Variants in TSR2 observed in about 807,000 individuals in gnomAD.
TSR2 encodes the protein TSR2 ribosome maturation factor, also known as pre-rRNA-processing protein TSR2 homolog.
TSR2 carries 1 observed loss-of-function variant against 13.3 expected under a neutral mutation model. The ratio of observed to expected loss-of-function variants is 0.08; its 90% confidence interval spans 0.03 to 0.36. The LOEUF (loss-of-function observed/expected upper bound fraction) is 0.36, where lower values mean the gene tolerates loss of function less well. Ranked by LOEUF, TSR2 falls within the 10% of genes least tolerant of loss-of-function variation. The pLI, the probability that TSR2 is intolerant of heterozygous loss-of-function variation, is 0.99. For synonymous variants in TSR2, 60 were observed against 57.7 expected, an observed-to-expected ratio of 1.04 and a Z score of -0.18; for missense variants, 120 against 151.1, an observed-to-expected ratio of 0.79 and a Z score of 1.08.
In TSR2 at chrX:54,446,105, C is replaced by T; in HGVS notation, c.*1555C>T. The T allele has an allele frequency of 8.3e-7, 1 of 1,202,115 alleles. No individual in the cohort carries two copies. Among genetic ancestry groups the T allele is most frequent in the South Asian group, 1.8e-5 (1 of 55,323 alleles). On this transcript the variant is annotated 3_prime_UTR_variant, in exon 5 of 5. Transcript: ENST00000375151. ...GTGGGGGCTCCCAGTTTGTCCCAAA[C>T]CCTCTAGGTCTTGTCTCGGGTCTGG... is the stretch of plus-strand genomic sequence containing the variant.
chrX:54,440,639 C>T, intron 1 of TSR2, 51 bp from the exon 2 acceptor site: 1 of 1,177,380 alleles, frequency 8.5e-7, no homozygotes, highest in Non-Finnish European at 1.2e-6. Context: ...CTCCAGGCTA[C>T]TCCAGGTCTG....
In TSR2 at chrX:54,440,875, T is replaced by G. The variant is rs1921904771; in HGVS notation, c.172+95T>G. 4.0e-5 allele frequency: 27 copies of G among 673,304 alleles called. No homozygotes were observed. In the South Asian group the frequency reaches 7.5e-4, roughly 19 times the overall value. 55.5% of individuals were successfully genotyped at this position (673,304 alleles called of 1,213,427 possible). On this transcript the variant is annotated intron_variant, in intron 2 of 4. Transcript: ENST00000375151. The stretch of plus-strand genomic sequence containing the variant: ...GCCTGCATTTCCTCTCGAGCAGTTG[T>G]GGATTGGTACCTAAAGGTGAGGTGG...
Position 54,446,555 on chromosome X carries a change from G to C in TSR2, c.*2005G>C. ...TACTCAGGAACCTTCCGTGGCTCCA[G>C]TGTTATCAACAGGAACATGTCAGAA... On this transcript the variant is annotated 3_prime_UTR_variant, in exon 5 of 5. Coordinates refer to ENST00000375151, the MANE Select transcript of TSR2 (RefSeq NM_058163.3). The C allele has an allele frequency of 3.7e-6, 2 of 541,977 alleles. No homozygotes were observed. Among genetic ancestry groups the C allele is most frequent in the African/African-American group, 2.3e-5 (1 of 42,877 alleles). 44.7% of individuals were successfully genotyped at this position (541,977 alleles called of 1,213,427 possible). A position where few individuals can be genotyped will look rare whatever the true frequency, so the allele number is the denominator to read the frequency against.
At chrX:54,440,569 C>A in intron 1 of TSR2, 67 bp downstream of exon 1, 1 of 1,132,020 alleles carries the variant, frequency 8.8e-7, no homozygotes, top group Non-Finnish European at 1.2e-6. Context: ...GTTGGTTGGG[C>A]TAGGTGCCTG....
In TSR2 at chrX:54,445,060, G is replaced by C. The variant is rs183704938; in HGVS notation, c.*510G>C. ...CTCCCTTACCCCACCCCACACACAC[G>C]CAACAGCTCTGTACCCCTGCCCAGA... is the stretch of plus-strand genomic sequence containing the variant. On this transcript the variant is annotated 3_prime_UTR_variant, in exon 5 of 5. Coordinates refer to ENST00000375151, the MANE Select transcript of TSR2 (RefSeq NM_058163.3). The C allele has an allele frequency of 9.0e-6, 1 of 111,146 alleles. No homozygotes were observed. The highest frequency in any genetic ancestry group is 2.9e-4 in the East Asian group (1 of 3,488). The allele number at this position is 111,146 out of a possible 1,213,427, so 9.2% of individuals were successfully genotyped here. A position where few individuals can be genotyped will look rare whatever the true frequency, so the allele number is the denominator to read the frequency against.
In TSR2 at chrX:54,447,449, C is replaced by G. The variant is rs1193722958; in HGVS notation, c.*2899C>G. The G allele has an allele frequency of 1.7e-6, 2 of 1,209,879 alleles. No individual in the cohort carries two copies. Among genetic ancestry groups the G allele is most frequent in the Non-Finnish European group, 2.2e-6 (2 of 894,376 alleles). On this transcript the variant is annotated 3_prime_UTR_variant, in exon 5 of 5. Coordinates refer to ENST00000375151, the MANE Select transcript of TSR2 (RefSeq NM_058163.3). ...CGCTGTTCTCTGCAGCCACTGAGGC[C>G]TGTTTCTGTGGCCAGAGACACCGGG...
In TSR2 at chrX:54,444,785, G is replaced by A. The variant is rs955807368; in HGVS notation, c.*235G>A. On this transcript the variant is annotated 3_prime_UTR_variant, in exon 5 of 5. Coordinates refer to ENST00000375151, the MANE Select transcript of TSR2 (RefSeq NM_058163.3). ...GGCCTTTAGTTAACATCCGAGTGAC[G>A]AAGCCGGGTTCCCCAGTACAGTGTC... 3.1e-5 allele frequency: 8 copies of A among 256,738 alleles called. No individual in the cohort carries two copies. In the Admixed American group the frequency reaches 3.5e-4, roughly 11 times the overall value. 21.2% of individuals were successfully genotyped at this position (256,738 alleles called of 1,213,427 possible).
In TSR2 at chrX:54,444,533, G is replaced by T. The variant is rs1234218302; in HGVS notation, c.559G>T (p.Val187Phe). 3 of 1,209,996 alleles carry T rather than the reference G, an allele frequency of 2.5e-6. No individual in the cohort carries two copies. Residue 187 changes from valine (V) to phenylalanine (F), a missense_variant, in exon 5 of 5, where the codon GTC (valine) becomes TTC (phenylalanine). This residue lies in a region of TSR2 where 55 missense variants were observed against 61.3 expected (regional missense o/e 0.90). Transcript: ENST00000375151. ...TATAGTGGAAGATGGCTGGACCATTGTCCGGAGAAAAAAATGAGTGGGGAT... is the reference window on the plus strand; with the variant it reads ...TATAGTGGAAGATGGCTGGACCATTTTCCGGAGAAAAAAATGAGTGGGGAT... ...EDIVEDGWTI[V>F]RRKK
rs758383763 is a variant in TSR2, at chrX:54,447,473, G to A, written c.*2923G>A. On this transcript the variant is annotated 3_prime_UTR_variant, in exon 5 of 5. Coordinates refer to ENST00000375151, the MANE Select transcript of TSR2 (RefSeq NM_058163.3). ...CCTGTTTCTGTGGCCAGAGACACCG[G>A]GCATCAATGTTGACAGAAGGCCTAG... 14 of 1,204,382 alleles carry A rather than the reference G, an allele frequency of 1.2e-5. No homozygotes were observed. The East Asian group carries it at 3.9e-4, about 33-fold the overall frequency.
rs1922184422 is a variant in TSR2 at position 54,446,480 on chromosome X, A to G, written c.*1930A>G. ...AGACCTTTCCCCCGCCCCAGCTTCT[A>G]ACTGGTTTTGCATATGCTCTGTCTT... On this transcript the variant is annotated 3_prime_UTR_variant, in exon 5 of 5. Coordinates refer to ENST00000375151, the MANE Select transcript of TSR2 (RefSeq NM_058163.3). 1 of 1,076,271 alleles carries G rather than the reference A, an allele frequency of 9.3e-7. No homozygotes were observed. The highest frequency in any genetic ancestry group is 1.3e-6 in the Non-Finnish European group (1 of 790,825). The allele number at this position is 1,076,271 out of a possible 1,213,427, so 88.7% of individuals were successfully genotyped here.
At chrX:54,444,302 CAG>C in intron 4 of TSR2, 112 bp from the exon 5 acceptor site, 39 of 1,147,503 alleles carry the variant, frequency 3.4e-5, no homozygotes, top group Non-Finnish European at 4.5e-5. Context: ...TAGTATTATC[CAG>C]AGAGGGCAGG....
chrX:54,444,650 C>G lies in TSR2; in HGVS notation c.*100C>G. 1 of 855,306 alleles carries G rather than the reference C, an allele frequency of 1.2e-6. No individual in the cohort carries two copies. Among genetic ancestry groups the G allele is most frequent in the East Asian group, 3.3e-5 (1 of 30,132 alleles). 70.5% of individuals were successfully genotyped at this position (855,306 alleles called of 1,213,427 possible). Reference sequence around the variant, plus strand: ...GGATTGCAGACCTGTGGACTGGTTACCCCATCTCCACCCTCTCCCCTGTTC... The same window carrying G: ...GGATTGCAGACCTGTGGACTGGTTAGCCCATCTCCACCCTCTCCCCTGTTC... On this transcript the variant is annotated 3_prime_UTR_variant, in exon 5 of 5. Transcript: ENST00000375151.
At chrX:54,440,994 C>T (rs914518251) in intron 2 of TSR2, among the ~76,000 whole-genome samples, 10 of 111,592 alleles carry the variant, frequency 9.0e-5, no homozygotes, top group Admixed American at 3.8e-4. Context: ...AGGCAGTTTA[C>T]CTCCCTGAGA....
intron 3 of TSR2, 44 bp from the exon 4 acceptor site, chrX:54,443,964 T>TA: frequency 8.3e-7 from 1 of 1,198,278 alleles, no homozygotes; most frequent in Non-Finnish European, 1.1e-6. Flanking sequence ...GTTTGTATAG[T>TA]AGATATCTGG....
intron 2 of TSR2, among the ~76,000 whole-genome samples, chrX:54,442,681 C>G (rs747761245): frequency 1.4e-3 from 151 of 111,369 alleles, no homozygotes; most frequent in Non-Finnish European, 2.1e-3. Flanking sequence ...AACTGAAGCC[C>G]AGAGAGGAAG....
At chrX:54,440,998 C>T (rs1419915183) in intron 2 of TSR2, among the ~76,000 whole-genome samples, 1 of 111,511 alleles carries the variant, frequency 9.0e-6, no homozygotes, top group Non-Finnish European at 1.9e-5. Context: ...AGTTTACCTC[C>T]CTGAGACTCA....
At chrX:54,441,534 G>T (rs1921937920) in intron 2 of TSR2, among the ~76,000 whole-genome samples, 1 of 112,184 alleles carries the variant, frequency 8.9e-6, no homozygotes, top group African/African-American at 3.2e-5. Context: ...CTGATAAAGA[G>T]GAGCTCAGGG....
rs1441989463 is a variant in TSR2, at chrX:54,446,755, G to A, written c.*2205G>A. On this transcript the variant is annotated 3_prime_UTR_variant, in exon 5 of 5. Coordinates refer to ENST00000375151, the MANE Select transcript of TSR2 (RefSeq NM_058163.3). Reference sequence around the variant, plus strand: ...TTTTTTTTTTTTGAGACAGAGTCTTGCCCTGTTGCCCAGGCTGGAGTGCAG... The same window carrying A: ...TTTTTTTTTTTTGAGACAGAGTCTTACCCTGTTGCCCAGGCTGGAGTGCAG... Among the ~76,000 whole-genome samples, 2 of 73,857 alleles carry A rather than the reference G, an allele frequency of 2.7e-5. No homozygotes were observed. The highest frequency in any genetic ancestry group is 4.9e-5 in the Non-Finnish European group (2 of 40,744). 64.1% of individuals were successfully genotyped at this position (73,857 alleles called of 115,157 possible).
In TSR2 at chrX:54,445,472, A is replaced by C; in HGVS notation, c.*922A>C. The C allele has an allele frequency of 9.2e-6, 1 of 108,126 alleles. No individual in the cohort carries two copies. The highest frequency in any genetic ancestry group is 9.8e-5 in the Admixed American group (1 of 10,203). 8.9% of individuals were successfully genotyped at this position (108,126 alleles called of 1,213,427 possible). A position where few individuals can be genotyped will look rare whatever the true frequency, so the allele number is the denominator to read the frequency against. On this transcript the variant is annotated 3_prime_UTR_variant, in exon 5 of 5. Transcript: ENST00000375151. ...ATGAAAGTTACTGTAAGCCTGAAAT[A>C]AACTGTATTTTTCTTAAAAAAAAAA...
Sources: allele counts gnomAD v4.1 joint callset (sites outside exome capture counted in the v4.1 genomes callset), GRCh38; gene constraint gnomAD v4.1.1; regional missense constraint gnomAD v4.1.1; transcripts MANE v1.5; gene names NCBI Gene and HGNC (gene_info 2026-07-23, HGNC 2026-07-21).